ZFHX3: variants seen among roughly 807,000 people sequenced by gnomAD.
The protein encoded by ZFHX3 is zinc finger homeobox protein 3.
In ZFHX3, 42 loss-of-function variants were observed where a neutral mutation model predicts 279.1. The ratio of observed to expected loss-of-function variants is 0.15; its 90% CI spans 0.12 to 0.19. The LOEUF is 0.19. Ranked by LOEUF, ZFHX3 falls within the 10% of genes least tolerant of loss-of-function variation. ZFHX3 has a pLI of 1.00. For synonymous variants in ZFHX3, 2,293 were observed against 1,957.8 expected, an observed-to-expected ratio of 1.17 and a Z score of -4.52; for missense variants, 4,981 against 4,754.0, an observed-to-expected ratio of 1.05 and a Z score of -1.40.
At chr16:73,661,723 GAAAA>G (rs112763443) in intron 2 of ZFHX3, among the ~76,000 whole-genome samples, 3 of 56,826 alleles carry the variant, frequency 5.3e-5, no homozygotes, top group African/African-American at 1.7e-4. Context: ...CTCCATCTCA[GAAAA>G]AAAAAAAAAA....
At chr16:73,466,861 C>G (rs1459413501) in intron 2 of ZFHX3, among the ~76,000 whole-genome samples, 3 of 152,100 alleles carry the variant, frequency 2.0e-5, no homozygotes, top group Non-Finnish European at 4.4e-5. Context: ...GTTCAGGAGA[C>G]TGGGGCTTTG....
rs377164466 is a variant in ZFHX3 at position 73,742,106 on chromosome 16, A to G, written c.-1607-61866T>C. Among the ~76,000 whole-genome samples the G allele has an allele frequency of 8.5e-5, 13 of 152,362 alleles. No individual in the cohort carries two copies. The South Asian group carries it at 2.7e-3, about 32-fold the overall frequency. On this transcript the variant is annotated intron_variant, in intron 1 of 17. Transcript: ENST00000641206. ...CATAACCACCTCAAATTTCCAAAGC[A>G]TAAACCTACAATGACATTTCCTCAT...
chr16:73,326,585 C>A (rs2015693962), intron 3 of ZFHX3, among the ~76,000 whole-genome samples: 1 of 152,104 alleles, frequency 6.6e-6, no homozygotes, highest in Non-Finnish European at 1.5e-5. Context: ...AGAAAGTAGT[C>A]TAGTGGTTGC....
Position 72,921,932 on chromosome 16 carries a change from C to T in ZFHX3, c.3216+28537G>A, listed in dbSNP as rs1597379725. ...AGATGCAAAACGAAAGCAGGCCTGC[C>T]TCCCAGCCGGGTGCGGAGGCACCAG... On this transcript the variant is annotated intron_variant, in intron 3 of 9. Transcript: ENST00000268489. Among the ~76,000 whole-genome samples the T allele has an allele frequency of 3.3e-5, 5 of 152,338 alleles. No individual in the cohort carries two copies. The South Asian group carries it at 6.2e-4, about 19-fold the overall frequency.
chr16:73,609,174 C>G (rs1171619662), intron 2 of ZFHX3: 1 of 152,078 alleles, frequency 6.6e-6, no homozygotes, highest in East Asian at 1.9e-4. Flanking sequence ...CCTGACTTAA[C>G]GCCATTTCAG....
chr16:73,452,708 T>C (rs2143562355), intron 3 of ZFHX3, among the ~76,000 whole-genome samples: 1 of 152,348 alleles, frequency 6.6e-6, no homozygotes, highest in East Asian at 1.9e-4. Context: ...TGGATTTACT[T>C]ACCTTAAGGG....
At chr16:73,098,778 G>C (rs1419929845) in intron 7 of ZFHX3, 3 of 152,152 alleles carry the variant, frequency 2.0e-5, no homozygotes, top group Admixed American at 1.3e-4. Context: ...AGCCATTTAT[G>C]CCTGGGAATT....
chr16:73,038,566 T>A (rs1400360660), intron 1 of ZFHX3, among the ~76,000 whole-genome samples: 1 of 152,320 alleles, frequency 6.6e-6, no homozygotes, highest in Middle Eastern at 3.4e-3. Context: ...CAGAACATCA[T>A]GGTGAAATCG....
intron 2 of ZFHX3, among the ~76,000 whole-genome samples, chr16:72,956,332 G>C (rs892732404): frequency 6.6e-6 from 1 of 152,144 alleles, no homozygotes; most frequent in African/African-American, 2.4e-5. Context: ...GCTTAATTCA[G>C]GCCATTGTCA....
chr16:72,958,010 C>A lies in ZFHX3; in HGVS notation c.2136G>T (p.Arg712=), dbSNP rs1961349738. The A allele has an allele frequency of 6.2e-7, 1 of 1,609,872 alleles. No individual in the cohort carries two copies. The highest frequency in any genetic ancestry group is 1.4e-5 in the African/African-American group (1 of 73,952). The part of the protein sequence containing the change: ...VYCKSGQPHP[R]LARGESYTCG... ...ACGTGTAGCTCTCGCCTCGTGCCAG[C>A]CGGGGGTGGGGCTGCCCGCTTTTGC... is the stretch of plus-strand genomic sequence containing the variant. The change falls in exon 2 of 10, where the codon CGG becomes CGT. Residue 712 remains arginine (R), a synonymous_variant. Coordinates refer to ENST00000268489, the MANE Select transcript of ZFHX3 (RefSeq NM_006885.4).
chr16:72,969,989 T>C (rs1323471132), intron 1 of ZFHX3, among the ~76,000 whole-genome samples: 1 of 152,208 alleles, frequency 6.6e-6, no homozygotes, highest in Non-Finnish European at 1.5e-5. Context: ...GCCCAGGCCG[T>C]GGGCCTCCAT....
intron 6 of ZFHX3, among the ~76,000 whole-genome samples, chr16:73,132,922 G>T (rs752265226): frequency 6.6e-6 from 1 of 152,194 alleles, no homozygotes; most frequent in Admixed American, 6.5e-5. Context: ...CGGTTTGGCC[G>T]ATCGTGATGG....
intron 3 of ZFHX3, among the ~76,000 whole-genome samples, chr16:73,383,956 A>G (rs755961145): frequency 1.2e-4 from 18 of 152,242 alleles, no homozygotes; most frequent in Non-Finnish European, 1.2e-4. Flanking sequence ...AGGATCCTGC[A>G]ATCATTTTAA....
chr16:73,255,066 C>A (rs2013626495), intron 5 of ZFHX3, among the ~76,000 whole-genome samples: 1 of 152,162 alleles, frequency 6.6e-6, no homozygotes, highest in African/African-American at 2.4e-5. Flanking sequence ...TGTTTGGGCC[C>A]AGATGCAATG....
chr16:72,811,959 C>T lies in ZFHX3; in HGVS notation c.3609G>A (p.Glu1203=), dbSNP rs2036465985. The T allele has an allele frequency of 2.5e-6, 4 of 1,614,156 alleles. No individual in the cohort carries two copies. Among genetic ancestry groups the T allele is most frequent in the Non-Finnish European group, 3.4e-6 (4 of 1,180,034 alleles). Residue 1203 remains glutamate (E), a synonymous_variant, in exon 6 of 10, where the codon GAG becomes GAA. Coordinates refer to ENST00000268489, the MANE Select transcript of ZFHX3 (RefSeq NM_006885.4). ...SKRISFPGSS[E]SPLSSKRPKT... is the part of the protein sequence containing the mutation. The stretch of plus-strand genomic sequence containing the variant: ...TTGGTCGCTTCGAAGAGAGGGGAGA[C>T]TCTGAGCTACCTGGGAAGGAGATGC...
chr16:73,299,771 T>C (rs1269428773), intron 4 of ZFHX3, among the ~76,000 whole-genome samples: 1 of 152,178 alleles, frequency 6.6e-6, no homozygotes, highest in Non-Finnish European at 1.5e-5. Flanking sequence ...GTTTGCAGGA[T>C]TTGACGGAAG....
intron 1 of ZFHX3, among the ~76,000 whole-genome samples, chr16:73,839,774 C>T (rs189265520): frequency 4.3e-4 from 66 of 152,338 alleles, no homozygotes; most frequent in Admixed American, 3.2e-3. Context: ...CCTAAGGGGA[C>T]GTGCTGCTGC....
chr16:73,416,855 C>A (rs1169421172), intron 3 of ZFHX3, among the ~76,000 whole-genome samples: 1 of 151,626 alleles, frequency 6.6e-6, no homozygotes, highest in Non-Finnish European at 1.5e-5. Context: ...GCCTGGGCGA[C>A]AGAGCGAGAC....
At position 72,845,241 on chromosome 16, in the gene ZFHX3, G is replaced by A. The variant is rs551784600; in HGVS notation, c.3449-15382C>T. Reference sequence around the variant, plus strand: ...GGAAGGGAAGGAAAGAAGGGGAGATGCACCTGAGAAAACACTGGAACCCCC... The same window carrying A: ...GGAAGGGAAGGAAAGAAGGGGAGATACACCTGAGAAAACACTGGAACCCCC... On this transcript the variant is annotated intron_variant, in intron 4 of 9. Coordinates refer to ENST00000268489, the MANE Select transcript of ZFHX3 (RefSeq NM_006885.4). Among the ~76,000 whole-genome samples, 3 of 152,166 alleles carry A rather than the reference G, an allele frequency of 2.0e-5. No homozygotes were observed. The South Asian group carries it at 6.2e-4, about 32-fold the overall frequency.
Sources: gnomAD v4.1 joint callset for allele counts (sites outside exome capture counted in the v4.1 genomes callset) on GRCh38, gnomAD v4.1.1 for gene constraint, MANE v1.5 for transcripts, NCBI Gene and HGNC (gene_info 2026-07-23, HGNC 2026-07-21) for gene names.